APP: variants seen among roughly 807,000 people sequenced by gnomAD.
The protein encoded by APP is amyloid-beta precursor protein.
A neutral mutation model predicts 101.4 loss-of-function variants in APP; 31 were observed. That is an observed-to-expected ratio of 0.31 (90% CI 0.23 to 0.41). The LOEUF is 0.41. Ranked by LOEUF, APP falls within the 10% of genes least tolerant of loss-of-function variation. The pLI is 1.00. For missense variants in APP, 839 were observed against 1,003.7 expected, an observed-to-expected ratio of 0.84 and a Z score of 2.22; for synonymous variants, 366 against 364.4, an observed-to-expected ratio of 1.00 and a Z score of -0.05.
At chr21:26,085,917 A>C (rs553840371) in intron 3 of APP, among the ~76,000 whole-genome samples, 3 of 152,360 alleles carry the variant, frequency 2.0e-5, no homozygotes, top group African/African-American at 7.2e-5. Context: ...CTTAATTACA[A>C]AATGAAACAG....
At chr21:26,041,433 T>A (rs2045367541) in intron 5 of APP, among the ~76,000 whole-genome samples, 1 of 152,210 alleles carries the variant, frequency 6.6e-6, no homozygotes, top group Admixed American at 6.5e-5. Context: ...CTACTATTTT[T>A]AAGCCAGGGA....
At chr21:25,934,133 G>C (rs770210536) in intron 13 of APP, 92 of 152,172 alleles carry the variant, frequency 6.0e-4, no homozygotes, top group Non-Finnish European at 9.4e-4. Flanking sequence ...TTGGAGGGGT[G>C]CATGTACCAA....
chr21:25,974,544 A>C (rs2042155228), intron 11 of APP, among the ~76,000 whole-genome samples: 1 of 152,238 alleles, frequency 6.6e-6, no homozygotes, highest in Non-Finnish European at 1.5e-5. Flanking sequence ...AAAATAAAAT[A>C]AATAAAAGAT....
chr21:25,964,606 CTTTTT>C (rs150904952), intron 11 of APP, among the ~76,000 whole-genome samples: 1 of 122,568 alleles, frequency 8.2e-6, no homozygotes, highest in Non-Finnish European at 1.7e-5. Flanking sequence ...TTTTTCTTTT[CTTTTT>C]TTTTTTTTTT....
chr21:25,982,296 C>T (rs2042461540), intron 9 of APP, 48 bp downstream of exon 9: 3 of 1,606,396 alleles, frequency 1.9e-6, no homozygotes, highest in Non-Finnish European at 2.6e-6. Context: ...GAGGCAAGCT[C>T]AGGTTTCCCA....
At chr21:26,033,292 A>G (rs2044927059) in intron 5 of APP, among the ~76,000 whole-genome samples, 1 of 152,148 alleles carries the variant, frequency 6.6e-6, no homozygotes, top group South Asian at 2.1e-4. Context: ...TGACAGTTTT[A>G]TAAGGGGCTG....
At chr21:25,997,738 T>G (rs1173693348) in intron 7 of APP, among the ~76,000 whole-genome samples, 1 of 152,198 alleles carries the variant, frequency 6.6e-6, no homozygotes, top group African/African-American at 2.4e-5. Flanking sequence ...AAAACTCCAT[T>G]TATTTCACTC....
intron 11 of APP, among the ~76,000 whole-genome samples, chr21:25,964,606 C>CTT (rs150904952): frequency 9.0e-5 from 11 of 122,550 alleles, no homozygotes; most frequent in South Asian, 2.6e-4. Context: ...TTTTTCTTTT[C>CTT]TTTTTTTTTT....
chr21:26,016,648 T>TA (rs2044076901), intron 6 of APP, among the ~76,000 whole-genome samples: 1 of 152,088 alleles, frequency 6.6e-6, no homozygotes, highest in Non-Finnish European at 1.5e-5. Flanking sequence ...CTCAGCTCAC[T>TA]GCAACCTCCG....
intron 2 of APP, among the ~76,000 whole-genome samples, chr21:26,111,699 T>C (rs1437856983): frequency 6.6e-6 from 1 of 152,042 alleles, no homozygotes; most frequent in East Asian, 1.9e-4. Context: ...ATCTTGCCAC[T>C]GCACTCCAAC....
intron 16 of APP, among the ~76,000 whole-genome samples, chr21:25,896,573 T>G (rs941018880): frequency 6.6e-6 from 1 of 152,210 alleles, no homozygotes; most frequent in Non-Finnish European, 1.5e-5. Flanking sequence ...CACCTACTGA[T>G]AAGATGGAAC....
intron 1 of APP, among the ~76,000 whole-genome samples, chr21:26,123,320 T>C (rs1434911426): frequency 2.0e-5 from 3 of 152,224 alleles, no homozygotes; most frequent in Admixed American, 6.5e-5. Flanking sequence ...ACAAACATAA[T>C]AGAAATTCAG....
rs145933584 is a variant in APP at position 26,067,044 on chromosome 21, T to C, written c.356-13696A>G. On this transcript the variant is annotated intron_variant, in intron 3 of 17. Coordinates refer to ENST00000346798, the MANE Select transcript of APP (RefSeq NM_000484.4). ...TGTAGGATACAAAAGAACCGAGATA[T>C]AGTTCTGGACCAAAACAGCTTGGAG... is the stretch of plus-strand genomic sequence containing the variant. 1.7e-3 allele frequency among the ~76,000 whole-genome samples: 258 copies of C among 152,346 alleles called. 2 individuals are homozygous for C. Among genetic ancestry groups the C allele is most frequent in the African/African-American group, 5.8e-3 (241 of 41,574 alleles).
intron 11 of APP, among the ~76,000 whole-genome samples, chr21:25,968,313 T>TA (rs1402898616): frequency 1.4e-5 from 2 of 147,874 alleles, no homozygotes; most frequent in African/African-American, 5.1e-5. Context: ...CCTGGCTAAT[T>TA]AAAAAAATCT....
intron 15 of APP, among the ~76,000 whole-genome samples, chr21:25,900,986 T>G (rs2038424741): frequency 6.4e-5 from 1 of 15,650 alleles, no homozygotes. Context: ...AGACTCCATC[T>G]CAAAAAAAAA....
chr21:26,110,536 T>C (rs1180162020), intron 2 of APP, among the ~76,000 whole-genome samples: 1 of 152,182 alleles, frequency 6.6e-6, no homozygotes, highest in Non-Finnish European at 1.5e-5. Flanking sequence ...TGGTTCATAC[T>C]CCTTTCAAGA....
chr21:25,897,137 T>C (rs979294606), intron 16 of APP, among the ~76,000 whole-genome samples: 5 of 152,092 alleles, frequency 3.3e-5, no homozygotes, highest in African/African-American at 9.7e-5. Flanking sequence ...CTTTTCTTTT[T>C]TTTTTTTGGG....
intron 13 of APP, among the ~76,000 whole-genome samples, chr21:25,926,321 C>T (rs536331527): frequency 6.6e-6 from 1 of 152,272 alleles, no homozygotes; most frequent in African/African-American, 2.4e-5. Context: ...ACTAAAGAAG[C>T]ATGGACTTAC....
At chr21:26,052,797 A>G (rs572445218) in intron 4 of APP, among the ~76,000 whole-genome samples, 5 of 152,338 alleles carry the variant, frequency 3.3e-5, no homozygotes, top group South Asian at 2.1e-4. Flanking sequence ...AAAAAATTGT[A>G]TATGACAAAA....
Sources: allele counts gnomAD v4.1 joint callset (sites outside exome capture counted in the v4.1 genomes callset), GRCh38; gene constraint gnomAD v4.1.1; transcripts MANE v1.5; gene names NCBI Gene and HGNC (gene_info 2026-07-23, HGNC 2026-07-21).